Variants in SOX2 observed in about 807,000 individuals in gnomAD.
SOX2 encodes the protein SRY-box transcription factor 2.
A neutral mutation model predicts 19.7 loss-of-function variants in SOX2; 2 were observed. The ratio of observed to expected loss-of-function variants is 0.10; its 90% CI spans 0.04 to 0.32. SOX2 has a LOEUF of 0.32. Among genes scored for constraint, SOX2 ranks in the 10% least tolerant of loss-of-function variants. The pLI, the probability that SOX2 is intolerant of heterozygous loss-of-function variation, is 1.00. For missense variants in SOX2, 294 were observed against 459.9 expected, an observed-to-expected ratio of 0.64 and a Z score of 3.30; for synonymous variants, 211 against 196.8, an observed-to-expected ratio of 1.07 and a Z score of -0.60.
chr3:181,714,034 A>G lies in SOX2; in HGVS notation c.*720A>G. On this transcript the variant is annotated 3_prime_UTR_variant, in exon 1 of 1. Coordinates refer to ENST00000325404, the MANE Select transcript of SOX2 (RefSeq NM_003106.4). The stretch of plus-strand genomic sequence containing the variant: ...ACCATCTCTGTGGTCTTGTTTAAAA[A>G]GGGCAAAAGTTTTAGACTGTACTAA... 1 of 243,626 alleles carries G rather than the reference A, an allele frequency of 4.1e-6. No individual in the cohort carries two copies. Among genetic ancestry groups the G allele is most frequent in the Non-Finnish European group, 8.7e-6 (1 of 115,354 alleles). The allele number at this position is 243,626 out of a possible 1,614,324, so 15.1% of individuals were successfully genotyped here.
Position 181,714,350 on chromosome 3 carries a change from C to T in SOX2, c.*1036C>T. On this transcript the variant is annotated 3_prime_UTR_variant, in exon 1 of 1. Coordinates refer to ENST00000325404, the MANE Select transcript of SOX2 (RefSeq NM_003106.4). ...TGTATATATTTGAACTAATATCATC[C>T]TTATAACAGGTACATTTTCAACTTA... 4.2e-6 allele frequency: 1 copy of T among 237,784 alleles called. No homozygotes were observed. The highest frequency in any genetic ancestry group is 6.6e-5 in the East Asian group (1 of 15,170). 14.7% of individuals were successfully genotyped at this position (237,784 alleles called of 1,614,324 possible).
rs1306135129 is a variant in SOX2 at position 181,712,946 on chromosome 3, C to G, written c.586C>G (p.Pro196Ala). ...LNAHGAAQMQ[P>A]MHRYDVSALQ... ...TGCGCACGGCGCAGCGCAGATGCAG[C>G]CCATGCACCGCTACGACGTGAGCGC... The change falls in exon 1 of 1, where the codon CCC (proline) becomes GCC (alanine). Residue 196 changes from proline to alanine, a missense_variant. By Grantham distance (27) the Pro-to-Ala change is conservative. Around this residue, in one of 3 missense-constraint regions of SOX2, gnomAD observed 223 missense variants for 292.7 expected, o/e 0.76. Coordinates refer to ENST00000325404, the MANE Select transcript of SOX2 (RefSeq NM_003106.4). The surrounding 1 kb of genome is among the most constrained non-coding windows in gnomAD (Gnocchi z 8.5). The G allele has an allele frequency of 6.2e-7, 1 of 1,613,770 alleles. No individual in the cohort carries two copies. The highest frequency in any genetic ancestry group is 8.5e-7 in the Non-Finnish European group (1 of 1,180,046).
chr3:181,712,196 T>A lies in SOX2; in HGVS notation c.-165T>A. On this transcript the variant is annotated 5_prime_UTR_variant, in exon 1 of 1. Transcript: ENST00000325404. This position sits in a 1 kb window ranked among gnomAD's most constrained non-coding sequence, Gnocchi z 8.5. ...GATTCCAGTTTGCCTCTCTCTTTTTTTCCCCCAAATTATTCTTCGCCTGAT... is the reference window on the plus strand; with the variant it reads ...GATTCCAGTTTGCCTCTCTCTTTTTATCCCCCAAATTATTCTTCGCCTGAT... 2.1e-6 allele frequency: 1 copy of A among 478,638 alleles called. No individual in the cohort carries two copies. Among genetic ancestry groups the A allele is most frequent in the Non-Finnish European group, 3.3e-6 (1 of 301,160 alleles). The allele number at this position is 478,638 out of a possible 1,614,324, so 29.6% of individuals were successfully genotyped here.
chr3:181,712,395 C>T lies in SOX2; in HGVS notation c.35C>T (p.Pro12Leu), dbSNP rs1386727504. 3 of 1,575,616 alleles carry T rather than the reference C, an allele frequency of 1.9e-6. No homozygotes were observed. The highest frequency in any genetic ancestry group is 2.6e-6 in the Non-Finnish European group (3 of 1,161,336). The change falls in exon 1 of 1, where the codon CCG (proline) becomes CTG (leucine). Residue 12 changes from proline to leucine, a missense_variant. Physicochemically the swap from Pro to Leu is moderately conservative, Grantham distance 98 (BLOSUM62 -3). Transcript: ENST00000325404. This position sits in a 1 kb window ranked among gnomAD's most constrained non-coding sequence, Gnocchi z 8.5. Reference sequence around the variant, plus strand: ...ATGATGGAGACGGAGCTGAAGCCGCCGGGCCCGCAGCAAACTTCGGGGGGC... The same window carrying T: ...ATGATGGAGACGGAGCTGAAGCCGCTGGGCCCGCAGCAAACTTCGGGGGGC... ...YNMMETELKP[P>L]GPQQTSGGGG... is the part of the protein sequence containing the mutation.
Position 181,712,915 on chromosome 3 carries a change from C to T in SOX2, c.555C>T (p.Gly185=). The T allele has an allele frequency of 6.2e-7, 1 of 1,613,358 alleles. No homozygotes were observed. Residue 185 remains glycine, a synonymous_variant, in exon 1 of 1, where the codon GGC becomes GGT. Coordinates refer to ENST00000325404, the MANE Select transcript of SOX2 (RefSeq NM_003106.4). This position sits in a 1 kb window ranked among gnomAD's most constrained non-coding sequence, Gnocchi z 8.5. ...AGCTGGGCTACCCGCAGCACCCGGG[C>T]CTCAATGCGCACGGCGCAGCGCAGA... The part of the protein sequence containing the change: ...QDQLGYPQHP[G]LNAHGAAQMQ...
Position 181,712,807 on chromosome 3 carries a change from G to C in SOX2, c.447G>C (p.Leu149=), listed in dbSNP as rs1714856403. The C allele has an allele frequency of 6.2e-7, 1 of 1,601,330 alleles. No homozygotes were observed. Among genetic ancestry groups the C allele is most frequent in the Non-Finnish European group, 8.5e-7 (1 of 1,174,524 alleles). The change falls in exon 1 of 1, where the codon CTG becomes CTC. Residue 149 remains leucine (L), a synonymous_variant. Coordinates refer to ENST00000325404, the MANE Select transcript of SOX2 (RefSeq NM_003106.4). This position sits in a 1 kb window ranked among gnomAD's most constrained non-coding sequence, Gnocchi z 8.5. ...GCGGGGTCGGGGTGGGCGCCGGCCT[G>C]GGCGCGGGCGTGAACCAGCGCATGG... is the stretch of plus-strand genomic sequence containing the variant. ...MASGVGVGAG[L]GAGVNQRMDS...
rs558923056 is a variant in SOX2, at chr3:181,713,929, A to C, written c.*615A>C. On this transcript the variant is annotated 3_prime_UTR_variant, in exon 1 of 1. Coordinates refer to ENST00000325404, the MANE Select transcript of SOX2 (RefSeq NM_003106.4). ...ATTTAGGACAGTTGCAAACGTGAAA[A>C]GAAGAAAATTATTCAAATTTGGACA... 3 of 247,942 alleles carry C rather than the reference A, an allele frequency of 1.2e-5. No homozygotes were observed. The Admixed American group carries it at 1.7e-4, about 14-fold the overall frequency. The allele number at this position is 247,942 out of a possible 1,614,324, so 15.4% of individuals were successfully genotyped here.
Position 181,713,087 on chromosome 3 carries a change from G to T in SOX2, c.727G>T (p.Val243Leu). Residue 243 changes from valine to leucine, a missense_variant, in exon 1 of 1, where the codon GTG (valine) becomes TTG (leucine). Physicochemically the swap from Val to Leu is conservative, Grantham distance 32. This residue lies in a region of SOX2 where 223 missense variants were observed against 292.7 expected (regional missense o/e 0.76). Coordinates refer to ENST00000325404, the MANE Select transcript of SOX2 (RefSeq NM_003106.4). The stretch of plus-strand genomic sequence containing the variant: ...CATGGCTCTTGGCTCCATGGGTTCG[G>T]TGGTCAAGTCCGAGGCCAGCTCCAG... ...PGMALGSMGS[V>L]VKSEASSSPP... 3.1e-6 allele frequency: 5 copies of T among 1,613,886 alleles called. No homozygotes were observed. Among genetic ancestry groups the T allele is most frequent in the Non-Finnish European group, 4.2e-6 (5 of 1,180,032 alleles).
rs1389769175 is a variant in SOX2, at chr3:181,712,296, C to T, written c.-65C>T. The T allele has an allele frequency of 5.5e-6, 7 of 1,275,528 alleles. No homozygotes were observed. In the East Asian group the frequency reaches 1.6e-4, roughly 29 times the overall value. 79.0% of individuals were successfully genotyped at this position (1,275,528 alleles called of 1,614,324 possible). On this transcript the variant is annotated 5_prime_UTR_variant, in exon 1 of 1. Coordinates refer to ENST00000325404, the MANE Select transcript of SOX2 (RefSeq NM_003106.4). The surrounding 1 kb of genome is among the most constrained non-coding windows in gnomAD (Gnocchi z 8.5). ...TCCTCTCCCCCCGCCCGCGGGCCCC[C>T]CAAAGTCCCGGCCGGGCCGAGGGTC... is the stretch of plus-strand genomic sequence containing the variant.
At position 181,712,827 on chromosome 3, in the gene SOX2, G is replaced by T. The variant is rs780155407; in HGVS notation, c.467G>T (p.Arg156Leu). ...GAGLGAGVNQ[R>L]MDSYAHMNGW... ...GGCCTGGGCGCGGGCGTGAACCAGC[G>T]CATGGACAGTTACGCGCACATGAAC... is the stretch of plus-strand genomic sequence containing the variant. The change falls in exon 1 of 1, where the codon CGC (arginine) becomes CTC (leucine). Residue 156 changes from arginine (R) to leucine (L), a missense_variant. By Grantham distance (102) the Arg-to-Leu change is moderately radical (BLOSUM62 -2). Around this residue, in one of 3 missense-constraint regions of SOX2, gnomAD observed 223 missense variants for 292.7 expected, o/e 0.76. Transcript: ENST00000325404. The surrounding 1 kb of genome is among the most constrained non-coding windows in gnomAD (Gnocchi z 8.5). 1.9e-6 allele frequency: 3 copies of T among 1,604,680 alleles called. No homozygotes were observed. Among genetic ancestry groups the T allele is most frequent in the Admixed American group, 1.7e-5 (1 of 59,052 alleles).
chr3:181,712,159 T>G lies in SOX2; in HGVS notation c.-202T>G, dbSNP rs1427323652. On this transcript the variant is annotated 5_prime_UTR_variant, in exon 1 of 1. Coordinates refer to ENST00000325404, the MANE Select transcript of SOX2 (RefSeq NM_003106.4). This position sits in a 1 kb window ranked among gnomAD's most constrained non-coding sequence, Gnocchi z 8.5. ...TCGGCCAGAGGAGGAGGGAAGCGCT[T>G]TTTTTGATCCTGATTCCAGTTTGCC... is the stretch of plus-strand genomic sequence containing the variant. 1.7e-5 allele frequency: 7 copies of G among 404,704 alleles called. No homozygotes were observed. Among genetic ancestry groups the G allele is most frequent in the Non-Finnish European group, 3.0e-5 (7 of 236,672 alleles). 25.1% of individuals were successfully genotyped at this position (404,704 alleles called of 1,614,324 possible).
Position 181,712,027 on chromosome 3 carries a change from T to C in SOX2, c.-334T>C, listed in dbSNP as rs111474548. The C allele has an allele frequency of 2.3e-5, 7 of 299,926 alleles. No homozygotes were observed. The highest frequency in any genetic ancestry group is 1.3e-4 in the African/African-American group (6 of 47,116). 18.6% of individuals were successfully genotyped at this position (299,926 alleles called of 1,614,324 possible). On this transcript the variant is annotated 5_prime_UTR_variant, in exon 1 of 1. Coordinates refer to ENST00000325404, the MANE Select transcript of SOX2 (RefSeq NM_003106.4). The surrounding 1 kb of genome is among the most constrained non-coding windows in gnomAD (Gnocchi z 8.5). ...AAGTAGTTTGCTGCCTCTTTAAGAC[T>C]AGGACTGAGAGAAAGAAGAGGAGAG...
rs1283244523 is a variant in SOX2 at position 181,713,345 on chromosome 3, AT to A, written c.*35del. ...GGACAGCGAACTGGAGGGGGGAGAA[AT>A]TTTCAAAGAAAAACGAGGGAAATGG... On this transcript the variant is annotated 3_prime_UTR_variant, in exon 1 of 1. Coordinates refer to ENST00000325404, the MANE Select transcript of SOX2 (RefSeq NM_003106.4). 4.5e-6 allele frequency: 7 copies of A among 1,551,458 alleles called. No individual in the cohort carries two copies. The highest frequency in any genetic ancestry group is 2.0e-5 in the Admixed American group (1 of 51,076).
In SOX2 at chr3:181,713,966, TA is replaced by T. The variant is rs1352471252; in HGVS notation, c.*657del. On this transcript the variant is annotated 3_prime_UTR_variant, in exon 1 of 1. Transcript: ENST00000325404. The stretch of plus-strand genomic sequence containing the variant: ...TTCAAATTTGGACATTTTAATTGTT[TA>T]AAAATTGTACAAAAGGAAAAAATTA... 29 of 246,056 alleles carry T rather than the reference TA, an allele frequency of 1.2e-4. No individual in the cohort carries two copies. Among genetic ancestry groups the T allele is most frequent in the African/African-American group, 6.0e-4 (27 of 45,226 alleles). The allele number at this position is 246,056 out of a possible 1,614,324, so 15.2% of individuals were successfully genotyped here.
rs2108521939 is a variant in SOX2 at position 181,712,617 on chromosome 3, A to G, written c.257A>G (p.Glu86Gly). ...GAEWKLLSET[E>G]KRPFIDEAKR... ...GAGTGGAAACTTTTGTCGGAGACGG[A>G]GAAGCGGCCGTTCATCGACGAGGCT... The change falls in exon 1 of 1, where the codon GAG (glutamate) becomes GGG (glycine). Residue 86 changes from glutamate to glycine, a missense_variant. Transcript: ENST00000325404. This position sits in a 1 kb window ranked among gnomAD's most constrained non-coding sequence, Gnocchi z 8.5. 6.2e-7 allele frequency: 1 copy of G among 1,614,216 alleles called. No homozygotes were observed. The highest frequency in any genetic ancestry group is 8.5e-7 in the Non-Finnish European group (1 of 1,180,032).
rs540604974 is a variant in SOX2 at position 181,712,132 on chromosome 3, G to C, written c.-229G>C. The C allele has an allele frequency of 4.1e-4, 158 of 384,970 alleles. 3 individuals are homozygous for C. The highest frequency in any genetic ancestry group is 3.0e-3 in the African/African-American group (147 of 48,236). 23.8% of individuals were successfully genotyped at this position (384,970 alleles called of 1,614,324 possible). The stretch of plus-strand genomic sequence containing the variant: ...TAATAACAATCATCGGCGGCGGCAG[G>C]ATCGGCCAGAGGAGGAGGGAAGCGC... On this transcript the variant is annotated 5_prime_UTR_variant, in exon 1 of 1. Coordinates refer to ENST00000325404, the MANE Select transcript of SOX2 (RefSeq NM_003106.4). The surrounding 1 kb of genome is among the most constrained non-coding windows in gnomAD (Gnocchi z 8.5).
Position 181,712,054 on chromosome 3 carries a change from GAA to G in SOX2, c.-305_-304del. 3.0e-6 allele frequency: 1 copy of G among 328,868 alleles called. No individual in the cohort carries two copies. Among genetic ancestry groups the G allele is most frequent in the Non-Finnish European group, 5.5e-6 (1 of 182,698 alleles). 20.4% of individuals were successfully genotyped at this position (328,868 alleles called of 1,614,324 possible). A position where few individuals can be genotyped will look rare whatever the true frequency, so the allele number is the denominator to read the frequency against. ...GGACTGAGAGAAAGAAGAGGAGAGA[GAA>G]AGAAAGGGAGAGAAGTTTGAGCCCC... On this transcript the variant is annotated 5_prime_UTR_variant, in exon 1 of 1. Transcript: ENST00000325404. This position sits in a 1 kb window ranked among gnomAD's most constrained non-coding sequence, Gnocchi z 8.5.
rs1714892468 is a variant in SOX2 at position 181,713,454 on chromosome 3, A to G, written c.*140A>G. On this transcript the variant is annotated 3_prime_UTR_variant, in exon 1 of 1. Coordinates refer to ENST00000325404, the MANE Select transcript of SOX2 (RefSeq NM_003106.4). The stretch of plus-strand genomic sequence containing the variant: ...AAGAAAAAGGAAAAAAAAAAATCCC[A>G]TCACCCACAGCAAATGACAGCTGCA... 8.6e-7 allele frequency: 1 copy of G among 1,160,864 alleles called. No homozygotes were observed. The highest frequency in any genetic ancestry group is 2.3e-5 in the Admixed American group (1 of 42,990). The allele number at this position is 1,160,864 out of a possible 1,614,324, so 71.9% of individuals were successfully genotyped here. A position where few individuals can be genotyped will look rare whatever the true frequency, so the allele number is the denominator to read the frequency against.
At position 181,713,548 on chromosome 3, in the gene SOX2, G is replaced by C; in HGVS notation, c.*234G>C. 2 of 397,356 alleles carry C rather than the reference G, an allele frequency of 5.0e-6. No individual in the cohort carries two copies. The highest frequency in any genetic ancestry group is 3.8e-5 in the Admixed American group (1 of 26,150). 24.6% of individuals were successfully genotyped at this position (397,356 alleles called of 1,614,324 possible). A position where few individuals can be genotyped will look rare whatever the true frequency, so the allele number is the denominator to read the frequency against. ...TGCCGACAAGAAAACTTTTATGAGA[G>C]AGATCCTGGACTTCTTTTTGGGGGA... On this transcript the variant is annotated 3_prime_UTR_variant, in exon 1 of 1. Transcript: ENST00000325404.
Sources: gnomAD v4.1 joint callset for allele counts on GRCh38, gnomAD v4.1.1 for gene constraint, gnomAD v4.1.1 regional missense constraint, Gnocchi (gnomAD v3.1) non-coding constraint, MANE v1.5 for transcripts, NCBI Gene and HGNC (gene_info 2026-07-23, HGNC 2026-07-21) for gene names.